ACO2: variants seen among roughly 807,000 people sequenced by gnomAD.
The protein encoded by ACO2 is aconitate hydratase, mitochondrial.
Under a neutral mutation model 84.5 loss-of-function variants are expected in ACO2, and 31 were observed. The observed-to-expected ratio is 0.37, with a 90% confidence interval of 0.28 to 0.50. The LOEUF is 0.50. ACO2 is among the 20% of genes least tolerant of loss of function. ACO2 has a pLI of 0.97. For missense variants in ACO2, 685 were observed against 1,029.3 expected (o/e 0.67, Z 4.58); for synonymous variants, 414 against 412.7 (o/e 1.00, Z -0.04).
In ACO2 at chr22:41,528,660, G is replaced by T; in HGVS notation, c.*47G>T. Reference sequence around the variant, plus strand: ...CCGCTGGCGTCAAGTTCAGCTCCACGTGTGCCATCAGTGGATCCGATCCGT... The same window carrying T: ...CCGCTGGCGTCAAGTTCAGCTCCACTTGTGCCATCAGTGGATCCGATCCGT... On this transcript the variant is annotated 3_prime_UTR_variant, in exon 18 of 18. Coordinates refer to ENST00000216254, the MANE Select transcript of ACO2 (RefSeq NM_001098.3). The T allele has an allele frequency of 6.2e-7, 1 of 1,602,148 alleles. No homozygotes were observed. The highest frequency in any genetic ancestry group is 2.2e-5 in the East Asian group (1 of 44,764).
At chr22:41,489,481 T>C (rs568865628) in intron 1 of ACO2, among the ~76,000 whole-genome samples, 9 of 152,324 alleles carry the variant, frequency 5.9e-5, no homozygotes, top group African/African-American at 2.2e-4. Flanking sequence ...TCTGCCTGTC[T>C]TAATCTACAG....
In ACO2 at chr22:41,523,955, G is replaced by C; in HGVS notation, c.1482+14G>C. The C allele has an allele frequency of 6.2e-7, 1 of 1,611,506 alleles. No individual in the cohort carries two copies. The highest frequency in any genetic ancestry group is 8.5e-7 in the Non-Finnish European group (1 of 1,178,354). On this transcript the variant is annotated intron_variant, in intron 12 of 17. Transcript: ENST00000216254. Reference sequence around the variant, plus strand: ...ACGTCCCCAGAGGTGAGACTGCCCAGCTGCGCACAAGCCTGGGATGGCCTC... The same window carrying C: ...ACGTCCCCAGAGGTGAGACTGCCCACCTGCGCACAAGCCTGGGATGGCCTC...
intron 1 of ACO2, among the ~76,000 whole-genome samples, chr22:41,482,066 C>T (rs1217118276): frequency 6.6e-6 from 1 of 152,216 alleles, no homozygotes; most frequent in African/African-American, 2.4e-5. Context: ...TCTTGCCTAG[C>T]CGTGTGGTGC....
intron 1 of ACO2, 94 bp downstream of exon 1, chr22:41,469,276 C>A: frequency 7.0e-7 from 1 of 1,433,058 alleles, no homozygotes; most frequent in Non-Finnish European, 9.5e-7. Flanking sequence ...CGGGCCCAAC[C>A]TGGGGCCAAC....
At chr22:41,487,346 T>C (rs1569004314) in intron 1 of ACO2, among the ~76,000 whole-genome samples, 4 of 152,248 alleles carry the variant, frequency 2.6e-5, no homozygotes, top group Admixed American at 6.5e-5. Context: ...TGTCCAGCTT[T>C]ATGCTGTTAC....
rs1601933371 is a variant in ACO2, at chr22:41,526,394, G to A, written c.1894G>A (p.Val632Met). ...CATTGAAAACGGCAAGGCCAACTCCGTGCGCAATGCCGTCACTCAGGAGTT... is the reference window on the plus strand; with the variant it reads ...CATTGAAAACGGCAAGGCCAACTCCATGCGCAATGCCGTCACTCAGGAGTT... The part of the protein sequence containing the change: ...INIENGKANS[V>M]RNAVTQEFGP... The change falls in exon 15 of 18, where the codon GTG (valine) becomes ATG (methionine). Residue 632 changes from valine to methionine, a missense_variant. By Grantham distance (21) the Val-to-Met change is conservative. Coordinates refer to ENST00000216254, the MANE Select transcript of ACO2 (RefSeq NM_001098.3). The A allele has an allele frequency of 1.9e-6, 3 of 1,613,888 alleles. No individual in the cohort carries two copies. The highest frequency in any genetic ancestry group is 1.1e-5 in the South Asian group (1 of 91,060).
chr22:41,527,738 C>A, intron 16 of ACO2, 163 bp from the exon 17 acceptor site: 1 of 1,166,972 alleles, frequency 8.6e-7, no homozygotes, highest in Non-Finnish European at 1.2e-6. Flanking sequence ...TTGCTAGGGG[C>A]ACCCCTAGTG....
At chr22:41,502,343 A>G (rs1003021163) in intron 2 of ACO2, among the ~76,000 whole-genome samples, 6 of 152,274 alleles carry the variant, frequency 3.9e-5, no homozygotes, top group African/African-American at 1.4e-4. Flanking sequence ...ACTGAGTCAG[A>G]ACCGGCCATT....
intron 1 of ACO2, among the ~76,000 whole-genome samples, chr22:41,480,024 G>C (rs1256339588): frequency 2.0e-5 from 3 of 152,216 alleles, no homozygotes; most frequent in Admixed American, 2.0e-4. Flanking sequence ...GTTCCTGCCA[G>C]TTGCATAGCA....
At chr22:41,480,080 T>A (rs1417193681) in intron 1 of ACO2, among the ~76,000 whole-genome samples, 1 of 152,174 alleles carries the variant, frequency 6.6e-6, no homozygotes, top group Non-Finnish European at 1.5e-5. Context: ...TTGTTTAGCT[T>A]TGATTTCTTA....
At chr22:41,504,649 CAT>C (rs1367672603) in intron 2 of ACO2, among the ~76,000 whole-genome samples, 5 of 147,146 alleles carry the variant, frequency 3.4e-5, no homozygotes, top group Non-Finnish European at 6.0e-5. Flanking sequence ...TGTTTTTATT[CAT>C]AGAGATGCTC....
Position 41,508,047 on chromosome 22 carries a change from A to C in ACO2, c.430A>C (p.Lys144Gln). The C allele has an allele frequency of 1.2e-6, 2 of 1,607,992 alleles. No homozygotes were observed. Among genetic ancestry groups the C allele is most frequent in the Non-Finnish European group, 1.7e-6 (2 of 1,175,052 alleles). Residue 144 changes from lysine to glutamine, a missense_variant and splice_region_variant, in exon 3 of 18, where the codon AAG (lysine) becomes CAG (glutamine). Transcript: ENST00000216254. Reference sequence around the variant, plus strand: ...GGGCGAGAAAGACCTGCGCCGGGCCAAGGTGAGCAGAAGGTGGCTTTGGGG... The same window carrying C: ...GGGCGAGAAAGACCTGCGCCGGGCCCAGGTGAGCAGAAGGTGGCTTTGGGG... ...VGGEKDLRRA[K>Q]DINQEVYNFL...
rs1035008839 is a variant in ACO2, at chr22:41,523,837, A to G, written c.1378A>G (p.Ile460Val). 6.2e-7 allele frequency: 1 copy of G among 1,612,142 alleles called. No individual in the cohort carries two copies. The highest frequency in any genetic ancestry group is 8.5e-7 in the Non-Finnish European group (1 of 1,179,948). Residue 460 changes from isoleucine to valine, a missense_variant, in exon 12 of 18, where the codon ATC (isoleucine) becomes GTC (valine). Transcript: ENST00000216254. Reference sequence around the variant, plus strand: ...ATCCCTCTGACCTGGCAGGAAGGACATCAAGAAGGGGGAGAAGAACACAAT... The same window carrying G: ...ATCCCTCTGACCTGGCAGGAAGGACGTCAAGAAGGGGGAGAAGAACACAAT... ...PCIGQWDRKD[I>V]KKGEKNTIVT...
At chr22:41,502,621 C>A (rs1349013012) in intron 2 of ACO2, among the ~76,000 whole-genome samples, 3 of 152,126 alleles carry the variant, frequency 2.0e-5, no homozygotes, top group African/African-American at 7.2e-5. Flanking sequence ...GTGTTTGTTT[C>A]TGTTTTAGAC....
chr22:41,493,645 G>A (rs12165815), intron 1 of ACO2, among the ~76,000 whole-genome samples: 8,738 of 152,208 alleles, frequency 0.057, 802 homozygotes, highest in African/African-American at 0.19. Flanking sequence ...AGTGACATAA[G>A]AAATTCCATT....
At chr22:41,499,619 C>A in intron 1 of ACO2, 107 bp from the exon 2 acceptor site, 2 of 1,278,480 alleles carry the variant, frequency 1.6e-6, no homozygotes, top group Non-Finnish European at 2.2e-6. Context: ...TACTGAACAG[C>A]TCTTGACACT....
In ACO2 at chr22:41,492,068, T is replaced by C. The variant is rs112206199; in HGVS notation, c.37-7658T>C. On this transcript the variant is annotated intron_variant, in intron 1 of 17. Transcript: ENST00000216254. ...ACCAGCTATCGAATTCTGACTTACC[T>C]CCCTGATCTCCAGTTTCCACATCTG... is the stretch of plus-strand genomic sequence containing the variant. Among the ~76,000 whole-genome samples, 191 of 152,322 alleles carry C rather than the reference T, an allele frequency of 1.3e-3. 3 individuals carry two copies. The highest frequency in any genetic ancestry group is 4.4e-3 in the African/African-American group (183 of 41,572).
chr22:41,519,125 A>G (rs983027316), intron 8 of ACO2, among the ~76,000 whole-genome samples: 8 of 152,212 alleles, frequency 5.3e-5, no homozygotes. Context: ...CCACCAGCTC[A>G]GCTTTAGGAG....
In ACO2 at chr22:41,485,434, ATTTTTTTT is replaced by A. The variant is rs71184813; in HGVS notation, c.37-14275_37-14268del. ...CAGCATGCGCTACCATGCCCGGCTAATTTTTTTTTTTTTTTTTTTTTTTTGAGACGGAG... is the reference window on the plus strand; with the variant it reads ...CAGCATGCGCTACCATGCCCGGCTAATTTTTTTTTTTTTTTTGAGACGGAG... On this transcript the variant is annotated intron_variant, in intron 1 of 17. Transcript: ENST00000216254. Among the ~76,000 whole-genome samples the A allele has an allele frequency of 2.6e-4, 18 of 69,032 alleles. No individual in the cohort carries two copies. In the South Asian group the frequency reaches 7.9e-3, roughly 30 times the overall value. The allele number at this position is 69,032 out of a possible 152,430, so 45.3% of individuals were successfully genotyped here.
Sources: gnomAD v4.1 joint callset for allele counts (sites outside exome capture counted in the v4.1 genomes callset) on GRCh38, gnomAD v4.1.1 for gene constraint, MANE v1.5 for transcripts, NCBI Gene and HGNC (gene_info 2026-07-23, HGNC 2026-07-21) for gene names.